The following SLC25A15 variants were observed in gnomAD, a reference collection of about 807,000 sequenced individuals.
SLC25A15 encodes the protein solute carrier family 25 member 15.
Under a neutral mutation model 32.3 loss-of-function variants are expected in SLC25A15, and 24 were observed. That is an observed-to-expected ratio of 0.74 (90% CI 0.54 to 1.04). SLC25A15 has a LOEUF of 1.04. SLC25A15 is among the 50% of genes least tolerant of loss of function. The pLI, the probability that SLC25A15 is intolerant of heterozygous loss-of-function variation, is 0.00. For synonymous variants in SLC25A15, 132 were observed against 142.1 expected (o/e 0.93, Z 0.51); for missense variants, 317 against 374.5 (o/e 0.85, Z 1.27).
intron 2 of SLC25A15, among the ~76,000 whole-genome samples, chr13:40,794,003 C>CTATGT (rs1881592487): frequency 6.6e-6 from 1 of 152,226 alleles, no homozygotes; most frequent in African/African-American, 2.4e-5. Flanking sequence ...ACACCACTTA[C>CTATGT]TGTCCCTGCT....
chr13:40,803,220 C>CT (rs1180222544), intron 3 of SLC25A15, among the ~76,000 whole-genome samples: 12 of 127,410 alleles, frequency 9.4e-5, no homozygotes, highest in Admixed American at 2.6e-4. Context: ...TCCCCGTATT[C>CT]GTTTTTTTTT....
intron 1 of SLC25A15, among the ~76,000 whole-genome samples, chr13:40,792,075 C>T (rs545298003): frequency 4.8e-4 from 73 of 152,252 alleles, no homozygotes; most frequent in African/African-American, 1.7e-3. Flanking sequence ...CAGGATTGGT[C>T]GTTGAGTTGG....
At position 40,809,989 on chromosome 13, in the gene SLC25A15, A is replaced by G. The variant is rs548853171; in HGVS notation, c.*322A>G. ...CTTTTACGTAAACCTCCACTTGTAC[A>G]TGCAATTTGGACAGTTATGTGTTGA... On this transcript the variant is annotated 3_prime_UTR_variant, in exon 7 of 7. Transcript: ENST00000338625. 1.9e-5 allele frequency: 7 copies of G among 375,452 alleles called. No homozygotes were observed. Among genetic ancestry groups the G allele is most frequent in the Non-Finnish European group, 2.5e-5 (5 of 196,666 alleles). 23.3% of individuals were successfully genotyped at this position (375,452 alleles called of 1,614,324 possible).
At position 40,795,954 on chromosome 13, in the gene SLC25A15, G is replaced by A. The variant is rs146434845; in HGVS notation, c.55+2673G>A. On this transcript the variant is annotated intron_variant, in intron 2 of 6. Transcript: ENST00000338625. ...ATCCCTGGGTCCCTTGTCTGGTGTC[G>A]TTGCTGTCTCTGCTTTAGTACTCCG... Among the ~76,000 whole-genome samples, 10 of 152,296 alleles carry A rather than the reference G, an allele frequency of 6.6e-5. No individual in the cohort carries two copies. In the South Asian group the frequency reaches 1.2e-3, roughly 19 times the overall value.
intron 2 of SLC25A15, among the ~76,000 whole-genome samples, chr13:40,794,716 T>G (rs1414690031): frequency 6.6e-6 from 1 of 152,146 alleles, no homozygotes; most frequent in Non-Finnish European, 1.5e-5. Context: ...CGCAGGATTC[T>G]CATAGTAGTT....
rs2138039631 is a variant in SLC25A15, at chr13:40,793,272, G to A, written c.46G>A (p.Gly16Arg). 1 of 1,613,726 alleles carries A rather than the reference G, an allele frequency of 6.2e-7. No homozygotes were observed. The highest frequency in any genetic ancestry group is 8.5e-7 in the Non-Finnish European group (1 of 1,179,838). ...CCAGGCTGCCATTGACCTCACAGCG[G>A]GGGCTGCAGGTACAGTCATGTGCCT... ...AIQAAIDLTA[G>R]AAGGTACVLT... Residue 16 changes from glycine (G) to arginine (R), a missense_variant, in exon 2 of 7, where the codon GGG becomes AGG. Coordinates refer to ENST00000338625, the MANE Select transcript of SLC25A15 (RefSeq NM_014252.4).
At chr13:40,805,049 G>T in intron 3 of SLC25A15, 69 bp from the exon 4 acceptor site, 5 of 1,597,618 alleles carry the variant, frequency 3.1e-6, no homozygotes, top group Non-Finnish European at 4.3e-6. Context: ...TCACCAAAGT[G>T]CTGTCTGTGT....
intron 2 of SLC25A15, among the ~76,000 whole-genome samples, chr13:40,798,340 G>A (rs1169262289): frequency 6.6e-6 from 1 of 151,526 alleles, no homozygotes; most frequent in Non-Finnish European, 1.5e-5. Context: ...TCTTATAGAA[G>A]TATATAAATA....
chr13:40,796,538 G>C (rs1881675065), intron 2 of SLC25A15, among the ~76,000 whole-genome samples: 1 of 152,216 alleles, frequency 6.6e-6, no homozygotes, highest in African/African-American at 2.4e-5. Flanking sequence ...GGAGAATGTG[G>C]CATTTCAGAT....
In SLC25A15 at chr13:40,791,603, A is replaced by G. The variant is rs376185598; in HGVS notation, c.-69-1555A>G. Among the ~76,000 whole-genome samples the G allele has an allele frequency of 4.6e-5, 7 of 151,618 alleles. No individual in the cohort carries two copies. The East Asian group carries it at 1.4e-3, about 29-fold the overall frequency. On this transcript the variant is annotated intron_variant, in intron 1 of 6. Coordinates refer to ENST00000338625, the MANE Select transcript of SLC25A15 (RefSeq NM_014252.4). ...AAACTCCTGACCTCGTGATCCTCCC[A>G]CCTCAGCCGGCCCAAAGTGCTGGGA...
chr13:40,805,322 T>C (rs1236939114), intron 4 of SLC25A15, 67 bp downstream of exon 4: 3 of 1,584,324 alleles, frequency 1.9e-6, no homozygotes, highest in Non-Finnish European at 2.6e-6. Context: ...TTTTTCATTT[T>C]ACATTGTACT....
chr13:40,795,942 T>C (rs1264366178), intron 2 of SLC25A15, among the ~76,000 whole-genome samples: 1 of 152,200 alleles, frequency 6.6e-6, no homozygotes, highest in Non-Finnish European at 1.5e-5. Flanking sequence ...CCTGGGTCCC[T>C]TGTCTGGTGT....
chr13:40,811,204 T>C lies in SLC25A15; in HGVS notation c.*1537T>C, dbSNP rs1235268765. On this transcript the variant is annotated 3_prime_UTR_variant, in exon 7 of 7. Coordinates refer to ENST00000338625, the MANE Select transcript of SLC25A15 (RefSeq NM_014252.4). ...AAGCAATGGAACATAAGAAAAGCAA[T>C]TGTAGGCCAGGCGCAGTGGCTCACG... Among the ~76,000 whole-genome samples, 2 of 152,090 alleles carry C rather than the reference T, an allele frequency of 1.3e-5. No individual in the cohort carries two copies. Among genetic ancestry groups the C allele is most frequent in the Non-Finnish European group, 2.9e-5 (2 of 67,996 alleles).
chr13:40,809,725 G>T lies in SLC25A15; in HGVS notation c.*58G>T, dbSNP rs17090557. ...GTTTGAGGACTACAGTTCATCTCAG[G>T]GTTTCTTGGAGTACAAGACCAGTGT... On this transcript the variant is annotated 3_prime_UTR_variant, in exon 7 of 7. Transcript: ENST00000338625. The T allele has an allele frequency of 8.3e-3, 13,282 of 1,596,716 alleles. 98 individuals carry two copies. Among genetic ancestry groups the T allele is most frequent in the South Asian group, 0.014 (1,269 of 90,634 alleles).
intron 2 of SLC25A15, among the ~76,000 whole-genome samples, chr13:40,795,595 A>C (rs1536806): frequency 0.38 from 58,359 of 151,818 alleles, 11,890 homozygotes; most frequent in East Asian, 0.52. Flanking sequence ...CGAGGTAGAG[A>C]TGCTGTGGGT....
In SLC25A15 at chr13:40,808,461, G is replaced by A. The variant is rs1417167600; in HGVS notation, c.646G>A (p.Gly216Ser). 3.1e-6 allele frequency: 5 copies of A among 1,613,496 alleles called. No individual in the cohort carries two copies. The Admixed American group carries it at 5.0e-5, about 16-fold the overall frequency. The change falls in exon 6 of 7, where the codon GGT becomes AGT. Residue 216 changes from glycine (G) to serine (S), a missense_variant. Coordinates refer to ENST00000338625, the MANE Select transcript of SLC25A15 (RefSeq NM_014252.4). Reference sequence around the variant, plus strand: ...AGGCCCTGTACCTTTGATGTTAAGTGGTGGAGTTGGTGGGATTTGCCTCTG... The same window carrying A: ...AGGCCCTGTACCTTTGATGTTAAGTAGTGGAGTTGGTGGGATTTGCCTCTG... ...ELGPVPLMLS[G>S]GVGGICLWLA...
rs104894430 is a variant in SLC25A15, at chr13:40,799,080, G to A, written c.79G>A (p.Gly27Arg). The A allele has an allele frequency of 1.3e-5, 21 of 1,614,142 alleles. No homozygotes were observed. The highest frequency in any genetic ancestry group is 3.3e-5 in the Admixed American group (2 of 60,018). Reference sequence around the variant, plus strand: ...AGGAGGTACAGCATGTGTACTGACCGGGCAGCCCTTTGACACAATGAAAGT... The same window carrying A: ...AGGAGGTACAGCATGTGTACTGACCAGGCAGCCCTTTGACACAATGAAAGT... The part of the protein sequence containing the change: ...AAGGTACVLT[G>R]QPFDTMKVKM... Residue 27 changes from glycine (G) to arginine (R), a missense_variant, in exon 3 of 7, where the codon GGG becomes AGG. Gly to Arg is a moderately radical substitution (Grantham distance 125). Transcript: ENST00000338625.
intron 6 of SLC25A15, among the ~76,000 whole-genome samples, chr13:40,808,866 C>T (rs765709049): frequency 5.2e-5 from 7 of 135,686 alleles, no homozygotes; most frequent in African/African-American, 8.2e-5. Flanking sequence ...ACCTGGGAGG[C>T]GGAGCTTGCA....
In SLC25A15 at chr13:40,809,453, G is replaced by A; in HGVS notation, c.782-90G>A. On this transcript the variant is annotated intron_variant, in intron 6 of 6. Coordinates refer to ENST00000338625, the MANE Select transcript of SLC25A15 (RefSeq NM_014252.4). ...GTTTTTAGCACTGTTGTCTGGGTTT[G>A]CATGTGTAAATATACCTATGCTATG... 3 of 1,517,518 alleles carry A rather than the reference G, an allele frequency of 2.0e-6. No individual in the cohort carries two copies. The South Asian group carries it at 3.4e-5, about 17-fold the overall frequency. The allele number at this position is 1,517,518 out of a possible 1,614,324, so 94.0% of individuals were successfully genotyped here. A position where few individuals can be genotyped will look rare whatever the true frequency, so the allele number is the denominator to read the frequency against.
Sources: gnomAD v4.1 joint callset for allele counts (sites outside exome capture counted in the v4.1 genomes callset) on GRCh38, gnomAD v4.1.1 for gene constraint, MANE v1.5 for transcripts, NCBI Gene and HGNC (gene_info 2026-07-23, HGNC 2026-07-21) for gene names.